Variants in GOLGA4 observed in about 807,000 individuals in gnomAD.
GOLGA4 encodes golgin subfamily A member 4.
A neutral mutation model predicts 265.9 loss-of-function variants in GOLGA4; 169 were observed. The ratio of observed to expected loss-of-function variants is 0.64; its 90% CI spans 0.56 to 0.72. The LOEUF (loss-of-function observed/expected upper bound fraction) is 0.72. Among genes scored for constraint, GOLGA4 ranks in the 30% least tolerant of loss-of-function variants. The probability of loss-of-function intolerance (pLI) is 0.00; values close to 1 mark genes in which losing one functional copy is unlikely to be tolerated. For missense variants in GOLGA4, 2,482 were observed against 2,483.4 expected (o/e 1.00, Z 0.01); for synonymous variants, 923 against 855.8 (o/e 1.08, Z -1.37).
intron 2 of GOLGA4, among the ~76,000 whole-genome samples, chr3:37,275,421 C>A (rs1404309373): frequency 2.6e-5 from 4 of 152,088 alleles, no homozygotes; most frequent in African/African-American, 9.7e-5. Flanking sequence ...ATCCCAAATT[C>A]TCTAGAAATA....
In GOLGA4 at chr3:37,315,564, G is replaced by A; in HGVS notation, c.1379G>A (p.Ser460Asn). ...CGCATCAGTCTTCAACAGGAATTAAGTCGGGTGAAACAGGAGGTTGTTGAT... is the reference window on the plus strand; with the variant it reads ...CGCATCAGTCTTCAACAGGAATTAAATCGGGTGAAACAGGAGGTTGTTGAT... Reference protein sequence around the residue: ...EERISLQQELSRVKQEVVDVM... With the variant: ...EERISLQQELNRVKQEVVDVM... Residue 460 changes from serine to asparagine, a missense_variant, in exon 11 of 24, where the codon AGT becomes AAT. Ser to Asn is a conservative substitution (Grantham distance 46). Transcript: ENST00000361924. The A allele has an allele frequency of 6.2e-7, 1 of 1,613,958 alleles. No individual in the cohort carries two copies. The highest frequency in any genetic ancestry group is 8.5e-7 in the Non-Finnish European group (1 of 1,179,876).
chr3:37,319,001 A>C lies in GOLGA4; in HGVS notation c.1414-62A>C. ...TGAGTAAATTATAATAGTATTATTT[A>C]GTTGTGGAGTTACATATTTTATTCT... is the stretch of plus-strand genomic sequence containing the variant. On this transcript the variant is annotated intron_variant, in intron 11 of 23. Transcript: ENST00000361924. 4.6e-6 allele frequency: 5 copies of C among 1,089,946 alleles called. No individual in the cohort carries two copies. In the South Asian group the frequency reaches 8.3e-5, roughly 18 times the overall value. The allele number at this position is 1,089,946 out of a possible 1,614,324, so 67.5% of individuals were successfully genotyped here. A position where few individuals can be genotyped will look rare whatever the true frequency, so the allele number is the denominator to read the frequency against.
chr3:37,338,982 C>A (rs1479980824), intron 19 of GOLGA4, among the ~76,000 whole-genome samples: 1 of 151,890 alleles, frequency 6.6e-6, no homozygotes, highest in African/African-American at 2.4e-5. Context: ...CTGCCTCAGC[C>A]TGCTGAGTAG....
At chr3:37,266,814 C>CTT (rs1463284459) in intron 2 of GOLGA4, 1 of 1,071,848 alleles carries the variant, frequency 9.3e-7, no homozygotes, top group Non-Finnish European at 1.3e-6. Context: ...TATTTTTGTA[C>CTT]TTTTGCTTAT....
At chr3:37,251,613 A>G in intron 2 of GOLGA4, 129 bp downstream of exon 2, 2 of 594,280 alleles carry the variant, frequency 3.4e-6, no homozygotes, top group Non-Finnish European at 5.9e-6. Context: ...TTTTATTAGT[A>G]ACACAATTGG....
chr3:37,330,585 A>AT (rs941008766), intron 16 of GOLGA4, among the ~76,000 whole-genome samples: 32 of 152,258 alleles, frequency 2.1e-4, no homozygotes, highest in African/African-American at 7.7e-4. Flanking sequence ...AATCTGCTGT[A>AT]TTTTAGGGAA....
At chr3:37,336,135 G>A (rs1222156081) in intron 17 of GOLGA4, among the ~76,000 whole-genome samples, 1 of 152,176 alleles carries the variant, frequency 6.6e-6, no homozygotes, top group Non-Finnish European at 1.5e-5. Context: ...CATATGTCAG[G>A]TGTAAGCACT....
intron 2 of GOLGA4, among the ~76,000 whole-genome samples, chr3:37,270,366 G>A (rs1473330333): frequency 2.7e-5 from 4 of 149,858 alleles, no homozygotes; most frequent in East Asian, 2.0e-4. Context: ...CCACCACGAC[G>A]TTTTTATAGA....
In GOLGA4 at chr3:37,327,235, T is replaced by G. The variant is rs1267205137; in HGVS notation, c.5349T>G (p.Ala1783=). 3 of 1,613,868 alleles carry G rather than the reference T, an allele frequency of 1.9e-6. No individual in the cohort carries two copies. The highest frequency in any genetic ancestry group is 2.5e-6 in the Non-Finnish European group (3 of 1,179,862). Residue 1783 remains alanine, a synonymous_variant, in exon 14 of 24, where the codon GCT becomes GCG. Coordinates refer to ENST00000361924, the MANE Select transcript of GOLGA4 (RefSeq NM_002078.5). ...AGCGCTTAATAAAGCTAGAACATGC[T>G]GAGGCAAAGCAACATGAAGATCAAA... ...YQERLIKLEH[A]EAKQHEDQSM... is the part of the protein sequence containing the mutation.
chr3:37,342,201 G>A (rs1461510749), intron 20 of GOLGA4, among the ~76,000 whole-genome samples: 3 of 152,046 alleles, frequency 2.0e-5, no homozygotes, highest in Admixed American at 6.6e-5. Flanking sequence ...AAAATTAGCC[G>A]CGTATGGTGG....
Position 37,342,325 on chromosome 3 carries a change from C to T in GOLGA4, c.6472+2126C>T, listed in dbSNP as rs144637476. ...CACCACTGGACTCCAGCCTGGGCAA[C>T]AGAGTGCAACTCTGTCTCAAAAATA... is the stretch of plus-strand genomic sequence containing the variant. On this transcript the variant is annotated intron_variant, in intron 20 of 23. Coordinates refer to ENST00000361924, the MANE Select transcript of GOLGA4 (RefSeq NM_002078.5). 1.8e-4 allele frequency among the ~76,000 whole-genome samples: 27 copies of T among 152,274 alleles called. No homozygotes were observed. In the South Asian group the frequency reaches 5.0e-3, roughly 28 times the overall value.
chr3:37,295,415 C>A (rs936610905), intron 6 of GOLGA4, among the ~76,000 whole-genome samples: 2 of 152,184 alleles, frequency 1.3e-5, no homozygotes, highest in African/African-American at 2.4e-5. Context: ...GATGGGGTCT[C>A]ACTATGTCGC....
Position 37,289,382 on chromosome 3 carries a change from C to T in GOLGA4, c.582+91C>T. ...TGTGCTAGGGTAGTTTCATATGCAT[C>T]TCATTAGTTATACTAATAACTAACC... On this transcript the variant is annotated intron_variant, in intron 5 of 23. Transcript: ENST00000361924. 9.0e-6 allele frequency: 7 copies of T among 774,548 alleles called. No homozygotes were observed. In the South Asian group the frequency reaches 1.3e-4, roughly 14 times the overall value. 48.0% of individuals were successfully genotyped at this position (774,548 alleles called of 1,614,324 possible).
At chr3:37,288,356 G>T (rs2150802838) in intron 4 of GOLGA4, among the ~76,000 whole-genome samples, 1 of 151,902 alleles carries the variant, frequency 6.6e-6, no homozygotes, top group East Asian at 1.9e-4. Flanking sequence ...TGATCCGCCT[G>T]CCTCGGCCTC....
rs373116106 is a variant in GOLGA4, at chr3:37,318,935, T to C, written c.1414-128T>C. On this transcript the variant is annotated intron_variant, in intron 11 of 23. Transcript: ENST00000361924. ...TGATCTATGCAGGAAATGTGTTTTC[T>C]CTTAGGAATGTGATTTTTTCTTCTT... 282 of 612,300 alleles carry C rather than the reference T, an allele frequency of 4.6e-4. 1 individual carries two copies. The highest frequency in any genetic ancestry group is 4.5e-3 in the African/African-American group (236 of 52,854). The allele number at this position is 612,300 out of a possible 1,614,324, so 37.9% of individuals were successfully genotyped here. A position where few individuals can be genotyped will look rare whatever the true frequency, so the allele number is the denominator to read the frequency against.
chr3:37,253,528 T>C (rs2096739824), intron 2 of GOLGA4, among the ~76,000 whole-genome samples: 1 of 152,126 alleles, frequency 6.6e-6, no homozygotes, highest in Non-Finnish European at 1.5e-5. Flanking sequence ...TGACAATGCT[T>C]TGTCATTCTA....
In GOLGA4 at chr3:37,327,046, A is replaced by G. The variant is rs751284360; in HGVS notation, c.5160A>G (p.Glu1720=). The part of the protein sequence containing the change: ...RSAKNVAAYT[E]QEEADSQGCV... Reference sequence around the variant, plus strand: ...CAAAAAATGTGGCAGCATATACTGAACAAGAAGAAGCAGATTCCCAAGGCT... The same window carrying G: ...CAAAAAATGTGGCAGCATATACTGAGCAAGAAGAAGCAGATTCCCAAGGCT... Residue 1720 remains glutamate, a synonymous_variant, in exon 14 of 24, where the codon GAA becomes GAG. Coordinates refer to ENST00000361924, the MANE Select transcript of GOLGA4 (RefSeq NM_002078.5). 1 of 1,613,848 alleles carries G rather than the reference A, an allele frequency of 6.2e-7. No individual in the cohort carries two copies. The highest frequency in any genetic ancestry group is 1.3e-5 in the African/African-American group (1 of 74,920).
chr3:37,258,978 T>C (rs1275760296), intron 2 of GOLGA4, among the ~76,000 whole-genome samples: 1 of 152,154 alleles, frequency 6.6e-6, no homozygotes, highest in Admixed American at 6.5e-5. Flanking sequence ...TTTGTATCAG[T>C]AATACAGCCC....
rs1287171474 is a variant in GOLGA4, at chr3:37,325,247, C to T, written c.3361C>T (p.His1121Tyr). ...LQEQLKQKSA[H>Y]VNSLAQDETK... Reference sequence around the variant, plus strand: ...GGAACAGTTAAAGCAGAAGTCTGCCCATGTGAATTCTCTTGCACAAGATGA... The same window carrying T: ...GGAACAGTTAAAGCAGAAGTCTGCCTATGTGAATTCTCTTGCACAAGATGA... Residue 1121 changes from histidine to tyrosine, a missense_variant, in exon 14 of 24, where the codon CAT becomes TAT. Around this residue, in one of 3 missense-constraint regions of GOLGA4, gnomAD observed 1,536 missense variants for 1,483.7 expected, o/e 1.04. Coordinates refer to ENST00000361924, the MANE Select transcript of GOLGA4 (RefSeq NM_002078.5). 1.2e-6 allele frequency: 2 copies of T among 1,612,688 alleles called. No individual in the cohort carries two copies. Among genetic ancestry groups the T allele is most frequent in the Middle Eastern group, 1.6e-4 (1 of 6,078 alleles).
Sources: gnomAD v4.1 joint callset for allele counts (sites outside exome capture counted in the v4.1 genomes callset) on GRCh38, gnomAD v4.1.1 for gene constraint, gnomAD v4.1.1 regional missense constraint, MANE v1.5 for transcripts, NCBI Gene and HGNC (gene_info 2026-07-23, HGNC 2026-07-21) for gene names.